The following PPP2R2A variants were observed in gnomAD, a reference collection of about 807,000 sequenced individuals.
PPP2R2A encodes the protein serine/threonine-protein phosphatase 2A 55 kDa regulatory subunit B alpha isoform.
Under a neutral mutation model 53.2 loss-of-function variants are expected in PPP2R2A, and 9 were observed. The ratio of observed to expected loss-of-function variants is 0.17; its 90% CI spans 0.10 to 0.30. PPP2R2A has a LOEUF of 0.30. Among genes scored for constraint, PPP2R2A ranks in the 10% least tolerant of loss-of-function variants. PPP2R2A has a pLI of 1.00. For missense variants in PPP2R2A, 235 were observed against 534.6 expected (o/e 0.44, Z 5.53); for synonymous variants, 169 against 174.2 (o/e 0.97, Z 0.23).
At chr8:26,336,622 CT>C (rs1284405219) in intron 2 of PPP2R2A, among the ~76,000 whole-genome samples, 1 of 152,134 alleles carries the variant, frequency 6.6e-6, no homozygotes, top group Non-Finnish European at 1.5e-5. Flanking sequence ...CGCTTGCAAA[CT>C]TCCAGCAGTT....
intron 2 of PPP2R2A, among the ~76,000 whole-genome samples, chr8:26,313,995 C>T (rs964446175): frequency 6.6e-6 from 1 of 152,144 alleles, no homozygotes; most frequent in Non-Finnish European, 1.5e-5. Context: ...ATAATAAATT[C>T]TGATTTTTTT....
At chr8:26,350,977 C>A (rs185376259) in intron 3 of PPP2R2A, among the ~76,000 whole-genome samples, 47 of 152,182 alleles carry the variant, frequency 3.1e-4, no homozygotes, top group African/African-American at 1.1e-3. Context: ...TATAGCAAGA[C>A]CTCATCTTTT....
chr8:26,312,061 A>G (rs1175505103), intron 2 of PPP2R2A, among the ~76,000 whole-genome samples: 1 of 152,130 alleles, frequency 6.6e-6, no homozygotes, highest in Non-Finnish European at 1.5e-5. Flanking sequence ...TCGTTCTTCT[A>G]CTCACTTGTT....
At chr8:26,357,260 G>GT (rs1194255164) in intron 4 of PPP2R2A, among the ~76,000 whole-genome samples, 1 of 138,876 alleles carries the variant, frequency 7.2e-6, no homozygotes, top group Non-Finnish European at 1.5e-5. Flanking sequence ...TTCTCTGTGA[G>GT]TTTTTTCTGT....
intron 3 of PPP2R2A, among the ~76,000 whole-genome samples, chr8:26,352,291 G>C (rs1409991132): frequency 6.6e-6 from 1 of 152,140 alleles, no homozygotes; most frequent in South Asian, 2.1e-4. Flanking sequence ...CTTGCTCACT[G>C]TACTTTGTTT....
chr8:26,297,233 T>C (rs1801583157), intron 2 of PPP2R2A, among the ~76,000 whole-genome samples: 1 of 152,128 alleles, frequency 6.6e-6, no homozygotes, highest in South Asian at 2.1e-4. Context: ...CCTCAGCCTC[T>C]TGAGAAGCTG....
intron 2 of PPP2R2A, 128 bp downstream of exon 2, chr8:26,293,868 C>T: frequency 2.3e-6 from 2 of 852,900 alleles, no homozygotes; most frequent in South Asian, 3.2e-5. Flanking sequence ...AATGTAAGAA[C>T]AGTTTTAAAA....
At chr8:26,295,682 T>C (rs1051956364) in intron 2 of PPP2R2A, among the ~76,000 whole-genome samples, 16 of 152,254 alleles carry the variant, frequency 1.1e-4, no homozygotes, top group Admixed American at 9.2e-4. Context: ...AAAATGCTGA[T>C]ACTTGGTATA....
chr8:26,293,280 C>T, intron 1 of PPP2R2A: 1 of 1,533,760 alleles, frequency 6.5e-7, no homozygotes, highest in Middle Eastern at 1.7e-4. Context: ...TTCTATGTTT[C>T]ATGGTAGTTT....
chr8:26,338,957 T>C lies in PPP2R2A; in HGVS notation c.150T>C (p.Gly50=). The C allele has an allele frequency of 1.2e-6, 2 of 1,606,988 alleles. No homozygotes were observed. Among genetic ancestry groups the C allele is most frequent in the Non-Finnish European group, 1.7e-6 (2 of 1,174,104 alleles). The part of the protein sequence containing the change: ...GELLATGDKG[G]RVVIFQQEQE... Reference sequence around the variant, plus strand: ...TACTAGCAACAGGAGATAAAGGTGGTAGAGTTGTCATCTTTCAACAGGAGC... The same window carrying C: ...TACTAGCAACAGGAGATAAAGGTGGCAGAGTTGTCATCTTTCAACAGGAGC... Residue 50 remains glycine (G), a synonymous_variant, in exon 3 of 10, where the codon GGT becomes GGC. Transcript: ENST00000380737. The surrounding 1 kb of genome is among the most constrained non-coding windows in gnomAD (Gnocchi z 4.5).
chr8:26,360,133 C>G lies in PPP2R2A; in HGVS notation c.347-36C>G. 8.7e-7 allele frequency: 1 copy of G among 1,143,426 alleles called. No individual in the cohort carries two copies. The highest frequency in any genetic ancestry group is 1.3e-6 in the Non-Finnish European group (1 of 787,108). 70.8% of individuals were successfully genotyped at this position (1,143,426 alleles called of 1,614,324 possible). A position where few individuals can be genotyped will look rare whatever the true frequency, so the allele number is the denominator to read the frequency against. On this transcript the variant is annotated intron_variant, in intron 4 of 9. Transcript: ENST00000380737. The surrounding 1 kb of genome is among the most constrained non-coding windows in gnomAD (Gnocchi z 4.5). ...AATGCCTTAAAATGTTTTTCTTCTT[C>G]AGTATTTTAAGGACTTTTCTTTATT...
Position 26,346,871 on chromosome 8 carries a change from C to T in PPP2R2A, c.181-7597C>T, listed in dbSNP as rs75842679. On this transcript the variant is annotated intron_variant, in intron 3 of 9. Coordinates refer to ENST00000380737, the MANE Select transcript of PPP2R2A (RefSeq NM_002717.4). ...AAAGGACATTGAAGACTATCTGATC[C>T]GATCTTATTTGTTATTTCTCCAATT... Among the ~76,000 whole-genome samples the T allele has an allele frequency of 3.7e-3, 568 of 152,208 alleles. 12 individuals are homozygous for T. Among genetic ancestry groups the T allele is most frequent in the Admixed American group, 0.026 (401 of 15,286 alleles).
At position 26,370,159 on chromosome 8, in the gene PPP2R2A, A is replaced by G; in HGVS notation, c.1090A>G (p.Asn364Asp). ...DSVVMTGSYN[N>D]FFRMFDRNTK... Reference sequence around the variant, plus strand: ...TGTTGTCATGACTGGATCTTACAATAATTTCTTCAGAATGTTTGACAGAAA... The same window carrying G: ...TGTTGTCATGACTGGATCTTACAATGATTTCTTCAGAATGTTTGACAGAAA... The change falls in exon 10 of 10, where the codon AAT (asparagine) becomes GAT (aspartate). Residue 364 changes from asparagine to aspartate, a missense_variant. Physicochemically the swap from Asn to Asp is conservative, Grantham distance 23 (BLOSUM62 1). Transcript: ENST00000380737. The surrounding 1 kb of genome is among the most constrained non-coding windows in gnomAD (Gnocchi z 6.1). The G allele has an allele frequency of 6.2e-7, 1 of 1,614,074 alleles. No homozygotes were observed. The highest frequency in any genetic ancestry group is 8.5e-7 in the Non-Finnish European group (1 of 1,179,954).
intron 2 of PPP2R2A, among the ~76,000 whole-genome samples, chr8:26,312,621 A>G (rs1486577812): frequency 2.0e-5 from 3 of 152,238 alleles, no homozygotes; most frequent in Non-Finnish European, 1.5e-5. Context: ...AAAAGAGCAG[A>G]TTGCATCATA....
intron 2 of PPP2R2A, among the ~76,000 whole-genome samples, chr8:26,309,853 C>CA (rs1802193783): frequency 6.6e-6 from 1 of 151,854 alleles, no homozygotes; most frequent in East Asian, 1.9e-4. Flanking sequence ...CATGGCATTC[C>CA]AAAACAATTA....
intron 2 of PPP2R2A, among the ~76,000 whole-genome samples, chr8:26,330,116 C>G (rs1464855464): frequency 6.6e-6 from 1 of 152,088 alleles, no homozygotes. Flanking sequence ...ACTTTTTCTT[C>G]CTGTCTTTGC....
intron 2 of PPP2R2A, among the ~76,000 whole-genome samples, chr8:26,328,277 T>TA (rs917403369): frequency 1.3e-5 from 2 of 152,198 alleles, no homozygotes; most frequent in Non-Finnish European, 2.9e-5. Flanking sequence ...TATACTTCTT[T>TA]ATAGAACTCA....
chr8:26,339,431 A>C (rs1803829589), intron 3 of PPP2R2A, among the ~76,000 whole-genome samples: 1 of 152,236 alleles, frequency 6.6e-6, no homozygotes, highest in East Asian at 1.9e-4. Context: ...AGTTCATAAT[A>C]ATACTGTTAC....
intron 4 of PPP2R2A, among the ~76,000 whole-genome samples, chr8:26,357,363 G>T (rs537704503): frequency 6.7e-6 from 1 of 148,776 alleles, no homozygotes; most frequent in Non-Finnish European, 1.5e-5. Flanking sequence ...AAACTTTCCA[G>T]GTTTGATTAA....
Sources: gnomAD v4.1 joint callset for allele counts (sites outside exome capture counted in the v4.1 genomes callset) on GRCh38, gnomAD v4.1.1 for gene constraint, Gnocchi (gnomAD v3.1) non-coding constraint, MANE v1.5 for transcripts, NCBI Gene and HGNC (gene_info 2026-07-23, HGNC 2026-07-21) for gene names.